The following NALF1 variants were observed in gnomAD, a reference collection of about 807,000 sequenced individuals.
NALF1 encodes the protein family with sequence similarity 155 member A.
In NALF1, 3 loss-of-function variants were observed where a neutral mutation model predicts 48.4. The observed-to-expected ratio is 0.06, with a 90% CI of 0.03 to 0.16. The LOEUF (loss-of-function observed/expected upper bound fraction) is 0.16. NALF1 is among the 10% of genes least tolerant of loss of function. NALF1 has a pLI of 1.00. For missense variants in NALF1, 526 were observed against 571.5 expected (o/e 0.92, Z 0.81); for synonymous variants, 262 against 245.7 (o/e 1.07, Z -0.62).
intron 1 of NALF1, among the ~76,000 whole-genome samples, chr13:107,773,514 T>C (rs1016561179): frequency 5.9e-5 from 9 of 152,110 alleles, no homozygotes; most frequent in African/African-American, 1.4e-4. Context: ...CTTATTCTTG[T>C]CCTAATTCTA....
At chr13:107,764,028 C>T (rs531266809) in intron 1 of NALF1, among the ~76,000 whole-genome samples, 2 of 152,188 alleles carry the variant, frequency 1.3e-5, no homozygotes, top group African/African-American at 2.4e-5. Context: ...CTGGGAAAGT[C>T]GACCAGGCAT....
intron 1 of NALF1, among the ~76,000 whole-genome samples, chr13:107,430,270 T>A (rs1048931323): frequency 7.3e-6 from 1 of 136,346 alleles, no homozygotes; most frequent in African/African-American, 2.5e-5. Context: ...GCTAAGAGAT[T>A]TTTTTTTTAA....
chr13:107,502,856 A>C (rs1322119171), intron 1 of NALF1, among the ~76,000 whole-genome samples: 1 of 152,208 alleles, frequency 6.6e-6, no homozygotes, highest in Non-Finnish European at 1.5e-5. Context: ...AAAAAATACA[A>C]ATGGAAGTGC....
At chr13:107,763,936 T>C (rs1877346318) in intron 1 of NALF1, among the ~76,000 whole-genome samples, 1 of 152,122 alleles carries the variant, frequency 6.6e-6, no homozygotes, top group Non-Finnish European at 1.5e-5. Flanking sequence ...TACTTTGCAT[T>C]ATATATCTAA....
intron 1 of NALF1, among the ~76,000 whole-genome samples, chr13:107,292,933 A>G (rs1881650960): frequency 6.6e-6 from 1 of 151,958 alleles, no homozygotes; most frequent in South Asian, 2.1e-4. Flanking sequence ...CAACATTACA[A>G]TGGCTAAGAC....
chr13:107,341,542 C>T (rs1022469956), intron 1 of NALF1, among the ~76,000 whole-genome samples: 6 of 151,816 alleles, frequency 4.0e-5, no homozygotes, highest in Admixed American at 1.3e-4. Flanking sequence ...AATAATAGTA[C>T]TCATGGAGGT....
chr13:107,684,072 C>A (rs1228469841), intron 1 of NALF1, among the ~76,000 whole-genome samples: 1 of 152,208 alleles, frequency 6.6e-6, no homozygotes, highest in African/African-American at 2.4e-5. Context: ...GCACCTCAGG[C>A]CACAGCCCTC....
chr13:107,389,972 A>G (rs2138981934), intron 1 of NALF1, among the ~76,000 whole-genome samples: 1 of 152,348 alleles, frequency 6.6e-6, no homozygotes, highest in African/African-American at 2.4e-5. Context: ...ACATGAGAAT[A>G]AAACTTCTAG....
intron 1 of NALF1, among the ~76,000 whole-genome samples, chr13:107,573,762 C>A (rs1375694327): frequency 6.6e-6 from 1 of 152,150 alleles, no homozygotes; most frequent in African/African-American, 2.4e-5. Flanking sequence ...GAGTCTGTCT[C>A]ATGAGATCTG....
intron 1 of NALF1, among the ~76,000 whole-genome samples, chr13:107,505,608 A>G (rs921469260): frequency 1.1e-4 from 17 of 152,314 alleles, no homozygotes; most frequent in Non-Finnish European, 1.9e-4. Context: ...ACCGGGAATG[A>G]GGAAGAATTA....
At chr13:107,221,779 T>G (rs1879999164) in intron 1 of NALF1, among the ~76,000 whole-genome samples, 2 of 151,928 alleles carry the variant, frequency 1.3e-5, no homozygotes, top group Admixed American at 1.3e-4. Flanking sequence ...TTTAGGTCAT[T>G]TTACCCTACA....
rs151118545 is a variant in NALF1, at chr13:107,358,961, C to A, written c.916-148206G>T. The stretch of plus-strand genomic sequence containing the variant: ...TTGTTAGTTTTTGGTTTAAAAGCAG[C>A]TAAAAATTCTGGACATTTTTGGAGA... On this transcript the variant is annotated intron_variant, in intron 1 of 2. Coordinates refer to ENST00000375915, the MANE Select transcript of NALF1 (RefSeq NM_001080396.3). Among the ~76,000 whole-genome samples, 800 of 152,204 alleles carry A rather than the reference C, an allele frequency of 5.3e-3. 2 individuals are homozygous for A. Among genetic ancestry groups the A allele is most frequent in the Non-Finnish European group, 7.9e-3 (537 of 67,978 alleles).
chr13:107,444,613 G>A (rs1884618026), intron 1 of NALF1, among the ~76,000 whole-genome samples: 4 of 152,076 alleles, frequency 2.6e-5, no homozygotes, highest in South Asian at 2.1e-4. Flanking sequence ...TTGTTTTGAC[G>A]AGCTATAATA....
intron 1 of NALF1, among the ~76,000 whole-genome samples, chr13:107,542,348 T>A (rs1487481257): frequency 6.6e-6 from 1 of 151,984 alleles, no homozygotes; most frequent in African/African-American, 2.4e-5. Flanking sequence ...AATGACACTG[T>A]AGAAAGGTAG....
intron 1 of NALF1, among the ~76,000 whole-genome samples, chr13:107,335,081 G>A (rs1882532178): frequency 1.3e-5 from 2 of 152,074 alleles, no homozygotes; most frequent in East Asian, 1.9e-4. Flanking sequence ...GATGAAGTGC[G>A]GAGGATGGAT....
At chr13:107,172,987 T>C (rs1023796259) in intron 2 of NALF1, among the ~76,000 whole-genome samples, 5 of 152,200 alleles carry the variant, frequency 3.3e-5, no homozygotes, top group Non-Finnish European at 7.3e-5. Context: ...TGTCCATCTT[T>C]TTAACAAGTT....
chr13:107,424,747 AC>A (rs1884250678), intron 1 of NALF1, among the ~76,000 whole-genome samples: 1 of 152,144 alleles, frequency 6.6e-6, no homozygotes, highest in Non-Finnish European at 1.5e-5. Flanking sequence ...ATCATCTACT[AC>A]TCATATAAAT....
At chr13:107,208,250 T>C (rs372752752) in intron 2 of NALF1, among the ~76,000 whole-genome samples, 2 of 152,300 alleles carry the variant, frequency 1.3e-5, no homozygotes, top group African/African-American at 4.8e-5. Context: ...GATGAGATTA[T>C]CCTAGGGGGC....
intron 1 of NALF1, among the ~76,000 whole-genome samples, chr13:107,528,154 C>A (rs1345101036): frequency 6.6e-6 from 1 of 151,944 alleles, no homozygotes; most frequent in Non-Finnish European, 1.5e-5. Flanking sequence ...TGCAATTAAT[C>A]TGGACAGTAA....
Sources: allele counts gnomAD v4.1 joint callset (sites outside exome capture counted in the v4.1 genomes callset), GRCh38; gene constraint gnomAD v4.1.1; transcripts MANE v1.5; gene names NCBI Gene and HGNC (gene_info 2026-07-23, HGNC 2026-07-21).